NALF1: variants seen among roughly 807,000 people sequenced by gnomAD.
NALF1 encodes NALCN channel auxiliary factor 1.
A neutral mutation model predicts 48.4 loss-of-function variants in NALF1; 3 were observed. The observed-to-expected ratio is 0.06, with a 90% CI of 0.03 to 0.16. NALF1 has a LOEUF of 0.16. NALF1 is among the 10% of genes least tolerant of loss of function. NALF1 has a pLI of 1.00. For synonymous variants in NALF1, 262 were observed against 245.7 expected (o/e 1.07, Z -0.62); for missense variants, 526 against 571.5 (o/e 0.92, Z 0.81).
At chr13:107,569,665 G>C (rs1017637541) in intron 1 of NALF1, among the ~76,000 whole-genome samples, 1 of 152,134 alleles carries the variant, frequency 6.6e-6, no homozygotes, top group Non-Finnish European at 1.5e-5. Flanking sequence ...CTAACATCAG[G>C]AAGAGTGATT....
intron 1 of NALF1, among the ~76,000 whole-genome samples, chr13:107,325,576 G>A (rs999325663): frequency 2.6e-5 from 4 of 151,784 alleles, no homozygotes; most frequent in Admixed American, 6.6e-5. Flanking sequence ...AGTGGCTCAC[G>A]CCTGTAATCC....
chr13:107,338,292 T>C (rs992825997), intron 1 of NALF1, among the ~76,000 whole-genome samples: 1 of 152,170 alleles, frequency 6.6e-6, no homozygotes, highest in African/African-American at 2.4e-5. Context: ...TAAGTACCTT[T>C]TACGTGGTTG....
rs1878638551 is a variant in NALF1 at position 107,165,421 on chromosome 13, C to T, written c.*5076G>A. Reference sequence around the variant, plus strand: ...TTTGTAATCAGAAGATGCTTGAGTTCCATCATTTGCATTACCTACCTGTGT... The same window carrying T: ...TTTGTAATCAGAAGATGCTTGAGTTTCATCATTTGCATTACCTACCTGTGT... On this transcript the variant is annotated 3_prime_UTR_variant, in exon 3 of 3. Transcript: ENST00000375915. 6.6e-6 allele frequency: 1 copy of T among 152,134 alleles called. No individual in the cohort carries two copies. Among genetic ancestry groups the T allele is most frequent in the Non-Finnish European group, 1.5e-5 (1 of 68,022 alleles). 9.4% of individuals were successfully genotyped at this position (152,134 alleles called of 1,614,324 possible).
intron 1 of NALF1, among the ~76,000 whole-genome samples, chr13:107,340,426 T>C (rs7334090): frequency 0.82 from 124,134 of 151,042 alleles, 52,545 homozygotes; most frequent in Non-Finnish European, 0.92. Context: ...CAGACATGAG[T>C]TACGGCGCCT....
intron 1 of NALF1, among the ~76,000 whole-genome samples, chr13:107,821,174 T>A (rs1166017164): frequency 6.6e-6 from 1 of 152,188 alleles, no homozygotes; most frequent in Non-Finnish European, 1.5e-5. Flanking sequence ...TGACATAGTT[T>A]ACCATATTTT....
Position 107,735,443 on chromosome 13 carries a change from G to A in NALF1, c.915+130239C>T, listed in dbSNP as rs527897331. Among the ~76,000 whole-genome samples the A allele has an allele frequency of 2.0e-5, 3 of 152,292 alleles. No homozygotes were observed. In the South Asian group the frequency reaches 6.2e-4, roughly 32 times the overall value. ...AGCTTGCCTGTTTCGGCTGGCTTTA[G>A]AATGCTGACTAGCTCTCTTTATCCA... On this transcript the variant is annotated intron_variant, in intron 1 of 2. Coordinates refer to ENST00000375915, the MANE Select transcript of NALF1 (RefSeq NM_001080396.3).
At chr13:107,416,867 C>CCTATT (rs1884098200) in intron 1 of NALF1, among the ~76,000 whole-genome samples, 1 of 152,134 alleles carries the variant, frequency 6.6e-6, no homozygotes, top group African/African-American at 2.4e-5. Context: ...CTTGCATTGC[C>CCTATT]CTATTTCAAC....
intron 1 of NALF1, among the ~76,000 whole-genome samples, chr13:107,864,911 AACT>A (rs1267389573): frequency 2.0e-5 from 3 of 152,218 alleles, no homozygotes; most frequent in African/African-American, 4.8e-5. Flanking sequence ...AGTAAATTTT[AACT>A]ACATCATCAA....
intron 1 of NALF1, among the ~76,000 whole-genome samples, chr13:107,668,051 G>A (rs919319664): frequency 4.6e-5 from 7 of 152,078 alleles, no homozygotes; most frequent in Admixed American, 6.6e-5. Flanking sequence ...TAGAAATGAT[G>A]TGTCCCAAAC....
At chr13:107,611,585 A>C (rs1879225085) in intron 1 of NALF1, among the ~76,000 whole-genome samples, 1 of 152,176 alleles carries the variant, frequency 6.6e-6, no homozygotes, top group African/African-American at 2.4e-5. Context: ...CCAGTCACTA[A>C]GGAAAACTAA....
intron 1 of NALF1, among the ~76,000 whole-genome samples, chr13:107,273,626 T>C (rs1258867473): frequency 6.6e-6 from 1 of 152,216 alleles, no homozygotes; most frequent in Non-Finnish European, 1.5e-5. Context: ...TTGTTCCTAA[T>C]GACTGAATAA....
intron 1 of NALF1, among the ~76,000 whole-genome samples, chr13:107,345,843 C>G (rs1882761894): frequency 6.6e-6 from 1 of 152,072 alleles, no homozygotes; most frequent in African/African-American, 2.4e-5. Context: ...TATTTCCAAC[C>G]CTTTATTGGG....
chr13:107,702,892 C>T (rs971256207), intron 1 of NALF1, among the ~76,000 whole-genome samples: 2 of 152,194 alleles, frequency 1.3e-5, no homozygotes, highest in Admixed American at 1.3e-4. Flanking sequence ...CTTTTTATGG[C>T]TGTATAGTAT....
At chr13:107,304,053 C>T (rs2138895882) in intron 1 of NALF1, among the ~76,000 whole-genome samples, 1 of 152,152 alleles carries the variant, frequency 6.6e-6, no homozygotes, top group East Asian at 1.9e-4. Flanking sequence ...TATCGTTTAG[C>T]CTACATGATT....
At chr13:107,284,542 C>T (rs9587343) in intron 1 of NALF1, among the ~76,000 whole-genome samples, 13,510 of 151,984 alleles carry the variant, frequency 0.089, 1,139 homozygotes, top group East Asian at 0.34. Context: ...GGAAACCATA[C>T]AATGTAACTG....
At chr13:107,231,967 T>C (rs1880235875) in intron 1 of NALF1, among the ~76,000 whole-genome samples, 1 of 152,220 alleles carries the variant, frequency 6.6e-6, no homozygotes, top group Admixed American at 6.5e-5. Flanking sequence ...TTTCTAAAAA[T>C]AGAGTTGAAA....
chr13:107,715,464 A>G (rs1196010904), intron 1 of NALF1, among the ~76,000 whole-genome samples: 1 of 152,134 alleles, frequency 6.6e-6, no homozygotes, highest in Non-Finnish European at 1.5e-5. Context: ...GGCCTCCCAA[A>G]GTGCTGGGAT....
chr13:107,234,868 C>T (rs1566459510), intron 1 of NALF1, among the ~76,000 whole-genome samples: 1 of 152,146 alleles, frequency 6.6e-6, no homozygotes, highest in Non-Finnish European at 1.5e-5. Context: ...CACACAGAAT[C>T]CCTTCCTAAC....
chr13:107,292,480 A>G (rs73584949), intron 1 of NALF1, among the ~76,000 whole-genome samples: 6,009 of 148,262 alleles, frequency 0.041, 430 homozygotes, highest in African/African-American at 0.14. Context: ...TTTTATCTAT[A>G]TTCCATTTTT....
Sources: allele counts gnomAD v4.1 joint callset (sites outside exome capture counted in the v4.1 genomes callset), GRCh38; gene constraint gnomAD v4.1.1; transcripts MANE v1.5; gene names NCBI Gene and HGNC (gene_info 2026-07-23, HGNC 2026-07-21).